The following SOX5 variants were observed in gnomAD, a reference collection of about 807,000 sequenced individuals.
SOX5 encodes SRY-box transcription factor 5.
SOX5 carries 9 observed loss-of-function variants against 92.0 expected under a neutral mutation model. The observed-to-expected ratio is 0.10, with a 90% CI of 0.06 to 0.17. The LOEUF is 0.17. Among genes scored for constraint, SOX5 ranks in the 10% least tolerant of loss-of-function variants. SOX5 has a pLI of 1.00. For synonymous variants in SOX5, 344 were observed against 336.3 expected (o/e 1.02, Z -0.25); for missense variants, 642 against 944.5 (o/e 0.68, Z 4.20).
intron 11 of SOX5, among the ~76,000 whole-genome samples, chr12:23,552,676 G>T (rs1825441032): frequency 6.6e-6 from 1 of 151,960 alleles, no homozygotes; most frequent in Non-Finnish European, 1.5e-5. Flanking sequence ...GAAAGATAAT[G>T]AACCAGTGAA....
At chr12:24,265,726 T>C (rs1725100438) in intron 3 of SOX5, among the ~76,000 whole-genome samples, 2 of 152,178 alleles carry the variant, frequency 1.3e-5, no homozygotes, top group African/African-American at 4.8e-5. Flanking sequence ...AGGTAAAGCA[T>C]TTTAGTGTTA....
intron 4 of SOX5, among the ~76,000 whole-genome samples, chr12:24,014,778 AT>A (rs1953380367): frequency 6.6e-6 from 1 of 152,160 alleles, no homozygotes; most frequent in Admixed American, 6.5e-5. Flanking sequence ...TTAGTATGAA[AT>A]TTTAAATGAC....
intron 3 of SOX5, among the ~76,000 whole-genome samples, chr12:23,836,387 A>G (rs2096414658): frequency 6.6e-6 from 1 of 152,022 alleles, no homozygotes; most frequent in Admixed American, 6.6e-5. Flanking sequence ...ATGACAGGGA[A>G]AACTTCTGAT....
upstream of SOX5, among the ~76,000 whole-genome samples, chr12:23,950,244 T>C (rs1329922292): frequency 2.0e-5 from 3 of 149,584 alleles, no homozygotes; most frequent in Admixed American, 6.7e-5. Flanking sequence ...CTCTCTCCGT[T>C]CACACACGGA....
intron 13 of SOX5, among the ~76,000 whole-genome samples, chr12:23,541,959 A>C (rs1219354770): frequency 6.6e-6 from 1 of 152,098 alleles, no homozygotes; most frequent in African/African-American, 2.4e-5. Flanking sequence ...AAAATACAAA[A>C]GTTAGTTGGG....
At chr12:23,998,858 TGG>T (rs1951307298) in intron 4 of SOX5, among the ~76,000 whole-genome samples, 4 of 135,634 alleles carry the variant, frequency 2.9e-5, no homozygotes. Flanking sequence ...AGTGTAATAA[TGG>T]CCACAAACTT....
intron 6 of SOX5, among the ~76,000 whole-genome samples, chr12:23,733,206 G>A (rs1455359840): frequency 6.6e-6 from 1 of 151,992 alleles, no homozygotes; most frequent in Admixed American, 6.6e-5. Context: ...TAAAACTATT[G>A]GCACACTTGT....
chr12:24,374,785 C>T (rs976261500), intron 1 of SOX5, among the ~76,000 whole-genome samples: 3 of 152,140 alleles, frequency 2.0e-5, no homozygotes, highest in Non-Finnish European at 2.9e-5. Flanking sequence ...TGACAGCCCA[C>T]ACTCCCAGCC....
chr12:24,543,950 A>G (rs1027669319), intron 1 of SOX5, among the ~76,000 whole-genome samples: 2 of 152,190 alleles, frequency 1.3e-5, no homozygotes, highest in Non-Finnish European at 2.9e-5. Context: ...TTCCTTAGGG[A>G]CTGAACCATG....
chr12:23,672,129 T>C (rs1300284106), intron 6 of SOX5, among the ~76,000 whole-genome samples: 1 of 151,958 alleles, frequency 6.6e-6, no homozygotes, highest in Non-Finnish European at 1.5e-5. Context: ...ACTGCAAAGT[T>C]ATCCGATGAC....
intron 4 of SOX5, among the ~76,000 whole-genome samples, chr12:23,998,554 C>T (rs1951259732): frequency 1.3e-5 from 2 of 151,956 alleles, no homozygotes; most frequent in Non-Finnish European, 2.9e-5. Flanking sequence ...CCTGTAATCC[C>T]AGCACTTTGG....
At chr12:23,865,576 G>A (rs1489994089) in intron 2 of SOX5, among the ~76,000 whole-genome samples, 2 of 152,102 alleles carry the variant, frequency 1.3e-5, no homozygotes, top group African/African-American at 4.8e-5. Context: ...TCGGGAGGCT[G>A]AGGCAGGAGA....
At chr12:23,804,888 C>T (rs2095732026) in intron 3 of SOX5, among the ~76,000 whole-genome samples, 1 of 124,366 alleles carries the variant, frequency 8.0e-6, no homozygotes, top group Non-Finnish European at 1.6e-5. Flanking sequence ...TGATATTTAA[C>T]ATTTTCTCTA....
intron 4 of SOX5, among the ~76,000 whole-genome samples, chr12:24,189,420 G>A (rs944680930): frequency 2.6e-5 from 4 of 152,198 alleles, no homozygotes; most frequent in African/African-American, 9.6e-5. Context: ...CTGGGGTACT[G>A]TTGATAGGTG....
At chr12:24,450,507 T>C (rs944918849) in intron 1 of SOX5, among the ~76,000 whole-genome samples, 13 of 151,256 alleles carry the variant, frequency 8.6e-5, no homozygotes, top group Admixed American at 2.6e-4. Flanking sequence ...TATTTATTTA[T>C]TTATTGAGAC....
chr12:23,550,524 T>C (rs1173856252), intron 11 of SOX5, among the ~76,000 whole-genome samples: 1 of 151,918 alleles, frequency 6.6e-6, no homozygotes, highest in East Asian at 1.9e-4. Context: ...ACAGAAATAG[T>C]TAAATTTCAG....
rs768157437 is a variant in SOX5 at position 24,355,282 on chromosome 12, C to CTTT, written c.-174+13278_-174+13280dup. Among the ~76,000 whole-genome samples the CTTT allele has an allele frequency of 5.8e-3, 415 of 71,868 alleles. 29 individuals carry two copies. The highest frequency in any genetic ancestry group is 0.017 in the Middle Eastern group (2 of 116). 47.1% of individuals were successfully genotyped at this position (71,868 alleles called of 152,430 possible). A position where few individuals can be genotyped will look rare whatever the true frequency, so the allele number is the denominator to read the frequency against. On this transcript the variant is annotated intron_variant, in intron 2 of 4. Transcript: ENST00000446891. ...TTAGCAGGTGTGGTGAGGGGTGCAT[C>CTTT]TTTTTTTTTTTTTTTTTTTTTTTTT...
At chr12:24,427,357 A>C (rs2137006707) in intron 1 of SOX5, among the ~76,000 whole-genome samples, 1 of 152,342 alleles carries the variant, frequency 6.6e-6, no homozygotes, top group South Asian at 2.1e-4. Flanking sequence ...ACGGGGTGGA[A>C]GTGTAAATAA....
chr12:23,805,395 G>C (rs1435071145), intron 3 of SOX5, among the ~76,000 whole-genome samples: 1 of 151,612 alleles, frequency 6.6e-6, no homozygotes, highest in Admixed American at 6.6e-5. Flanking sequence ...AGGATTAAAA[G>C]TGCTAAAAGA....
Sources: gnomAD v4.1 joint callset for allele counts (sites outside exome capture counted in the v4.1 genomes callset) on GRCh38, gnomAD v4.1.1 for gene constraint, MANE v1.5 for transcripts, NCBI Gene and HGNC (gene_info 2026-07-23, HGNC 2026-07-21) for gene names.